NTM: variants seen among roughly 807,000 people sequenced by gnomAD.
The protein encoded by NTM is neurotrimin.
In NTM, 13 loss-of-function variants were observed where a neutral mutation model predicts 42.1. That is an observed-to-expected ratio of 0.31 (90% CI 0.20 to 0.49). The LOEUF is 0.49. Ranked by LOEUF, NTM falls within the 20% of genes least tolerant of loss-of-function variation. The pLI, the probability that NTM is intolerant of heterozygous loss-of-function variation, is 0.99. For synonymous variants in NTM, 187 were observed against 179.2 expected (o/e 1.04, Z -0.35); for missense variants, 373 against 452.8 (o/e 0.82, Z 1.60).
intron 1 of NTM, among the ~76,000 whole-genome samples, chr11:131,853,814 C>T (rs2045833068): frequency 1.3e-5 from 2 of 152,194 alleles, no homozygotes; most frequent in South Asian, 2.1e-4. Context: ...TGAGGAATCA[C>T]CAGTCTGTCT....
At chr11:132,182,732 A>G (rs2077759748) in intron 3 of NTM, among the ~76,000 whole-genome samples, 1 of 152,140 alleles carries the variant, frequency 6.6e-6, no homozygotes, top group African/African-American at 2.4e-5. Context: ...GAATCCTTGG[A>G]TGGTCCTCAT....
chr11:131,643,411 T>G (rs2065383411), intron 1 of NTM, among the ~76,000 whole-genome samples: 1 of 152,178 alleles, frequency 6.6e-6, no homozygotes, highest in Non-Finnish European at 1.5e-5. Context: ...GCATGAGCAC[T>G]GTGTACTCGT....
At chr11:131,789,050 G>A (rs564270254) in intron 1 of NTM, among the ~76,000 whole-genome samples, 7 of 152,206 alleles carry the variant, frequency 4.6e-5, no homozygotes, top group African/African-American at 1.7e-4. Context: ...CTGAATGAGT[G>A]TCGACTCTCG....
At chr11:131,454,466 C>T (rs548634329) in intron 1 of NTM, among the ~76,000 whole-genome samples, 4 of 152,196 alleles carry the variant, frequency 2.6e-5, no homozygotes, top group Middle Eastern at 6.8e-3. Flanking sequence ...CAATGGCAGG[C>T]GTCCCCCAAC....
At chr11:131,487,979 G>C (rs1361487972) in intron 1 of NTM, among the ~76,000 whole-genome samples, 1 of 152,200 alleles carries the variant, frequency 6.6e-6, no homozygotes, top group East Asian at 1.9e-4. Flanking sequence ...GCACAGACCA[G>C]AGCTGGTAGT....
At chr11:131,631,424 A>G (rs548415441) in intron 1 of NTM, among the ~76,000 whole-genome samples, 1 of 152,288 alleles carries the variant, frequency 6.6e-6, no homozygotes, top group African/African-American at 2.4e-5. Context: ...AGCAAGGTAG[A>G]TTTTTAAATA....
chr11:132,120,784 C>T (rs902869103), intron 2 of NTM, among the ~76,000 whole-genome samples: 11 of 152,064 alleles, frequency 7.2e-5, no homozygotes, highest in African/African-American at 2.7e-4. Context: ...CTAGATTCTC[C>T]GTGGATGTGG....
intron 1 of NTM, among the ~76,000 whole-genome samples, chr11:131,615,660 G>T (rs992962059): frequency 6.6e-6 from 1 of 152,148 alleles, no homozygotes; most frequent in South Asian, 2.1e-4. Context: ...GTGAGCCACC[G>T]CACCCGGCCG....
chr11:131,419,283 T>C (rs1449816173), intron 1 of NTM, among the ~76,000 whole-genome samples: 4 of 152,230 alleles, frequency 2.6e-5, no homozygotes, highest in African/African-American at 9.6e-5. Flanking sequence ...TGGTAAATTA[T>C]TTGTCTGATT....
At chr11:132,297,814 C>G (rs939790993) in intron 4 of NTM, among the ~76,000 whole-genome samples, 1 of 152,116 alleles carries the variant, frequency 6.6e-6, no homozygotes, top group Non-Finnish European at 1.5e-5. Context: ...GTGTCCTGGG[C>G]TCCTTTTACA....
chr11:131,541,721 A>G lies in NTM; in HGVS notation c.82+170833A>G, dbSNP rs79774260. Among the ~76,000 whole-genome samples the G allele has an allele frequency of 9.4e-3, 1,425 of 152,340 alleles. 23 individuals carry two copies. Among genetic ancestry groups the G allele is most frequent in the African/African-American group, 0.032 (1,347 of 41,572 alleles). The stretch of plus-strand genomic sequence containing the variant: ...ATCTAAAATAGGGCCTGTAGAGAAA[A>G]GAATACAATAGCCATCTAAGGAGTT... On this transcript the variant is annotated intron_variant, in intron 1 of 8. Transcript: ENST00000683400.
intron 2 of NTM, among the ~76,000 whole-genome samples, chr11:132,074,002 T>C (rs187965971): frequency 6.6e-6 from 1 of 152,326 alleles, no homozygotes; most frequent in East Asian, 1.9e-4. Context: ...AACAGGCTGC[T>C]CTCACAGTGG....
intron 1 of NTM, among the ~76,000 whole-genome samples, chr11:131,888,539 C>G (rs537487656): frequency 6.6e-6 from 1 of 152,074 alleles, no homozygotes; most frequent in Non-Finnish European, 1.5e-5. Flanking sequence ...TGCAGCATCC[C>G]GAGACAGGTC....
In NTM at chr11:131,648,371, G is replaced by A. The variant is rs1374727499; in HGVS notation, c.83-263193G>A. Among the ~76,000 whole-genome samples the A allele has an allele frequency of 2.0e-5, 3 of 152,038 alleles. No individual in the cohort carries two copies. In the East Asian group the frequency reaches 5.8e-4, roughly 29 times the overall value. ...GGGTATGTATATATACCCAACAGTG[G>A]GTTTGCTGGGTCAAATGGTAGTTTT... On this transcript the variant is annotated intron_variant, in intron 1 of 8. Coordinates refer to ENST00000683400, the MANE Select transcript of NTM (RefSeq NM_001352005.2).
chr11:131,869,071 C>G (rs1418933769), intron 1 of NTM, among the ~76,000 whole-genome samples: 4 of 151,156 alleles, frequency 2.6e-5, no homozygotes, highest in Non-Finnish European at 5.9e-5. Flanking sequence ...TGACAGACAG[C>G]ATGACCACGT....
At chr11:132,135,276 G>A (rs2067675381) in intron 2 of NTM, among the ~76,000 whole-genome samples, 1 of 152,190 alleles carries the variant, frequency 6.6e-6, no homozygotes, top group African/African-American at 2.4e-5. Flanking sequence ...TGCTCCCAGT[G>A]CCTGACTACA....
chr11:131,816,447 G>T (rs1187236274), intron 1 of NTM, among the ~76,000 whole-genome samples: 2 of 151,862 alleles, frequency 1.3e-5, no homozygotes, highest in African/African-American at 4.8e-5. Context: ...TATCTTCCTG[G>T]ATACCCTGTA....
intron 1 of NTM, among the ~76,000 whole-genome samples, chr11:131,443,875 G>A (rs887014364): frequency 2.0e-5 from 3 of 152,130 alleles, no homozygotes; most frequent in African/African-American, 7.2e-5. Context: ...ATGTGAATAA[G>A]CTTGGAGGAA....
At chr11:132,320,646 A>G (rs1158449577) in intron 7 of NTM, among the ~76,000 whole-genome samples, 53 of 152,272 alleles carry the variant, frequency 3.5e-4, no homozygotes, top group Admixed American at 3.9e-4. Flanking sequence ...CAAAGCAGCC[A>G]GAAAGCTCGA....
Sources: allele counts gnomAD v4.1 joint callset (sites outside exome capture counted in the v4.1 genomes callset), GRCh38; gene constraint gnomAD v4.1.1; transcripts MANE v1.5; gene names NCBI Gene and HGNC (gene_info 2026-07-23, HGNC 2026-07-21).